Variants in MERTK observed in about 807,000 individuals in gnomAD.
MERTK encodes tyrosine-protein kinase Mer.
Under a neutral mutation model 99.3 loss-of-function variants are expected in MERTK, and 69 were observed. The ratio of observed to expected loss-of-function variants is 0.70; its 90% CI spans 0.57 to 0.85. The LOEUF is 0.85. MERTK is among the 40% of genes least tolerant of loss of function. The probability of loss-of-function intolerance (pLI) is 0.00; values close to 1 mark genes in which losing one functional copy is unlikely to be tolerated. For synonymous variants in MERTK, 426 were observed against 467.6 expected, an observed-to-expected ratio of 0.91 and a Z score of 1.15; for missense variants, 1,125 against 1,249.4, an observed-to-expected ratio of 0.90 and a Z score of 1.50.
chr2:111,976,302 T>G (rs115191337), intron 7 of MERTK, among the ~76,000 whole-genome samples: 393 of 152,294 alleles, frequency 2.6e-3, no homozygotes, highest in African/African-American at 9.1e-3. Context: ...TTCCTCCAGG[T>G]TATGGGTCAG....
At chr2:111,991,612 G>T (rs1676618041) in intron 8 of MERTK, among the ~76,000 whole-genome samples, 1 of 152,000 alleles carries the variant, frequency 6.6e-6, no homozygotes, top group East Asian at 1.9e-4. Context: ...ACAAAAAAAA[G>T]TCTATGGCAA....
At chr2:111,948,518 G>C (rs928008052) in intron 4 of MERTK, among the ~76,000 whole-genome samples, 6 of 152,154 alleles carry the variant, frequency 3.9e-5, no homozygotes, top group African/African-American at 1.4e-4. Context: ...ATTGCCACTT[G>C]CTGGGTACAT....
intron 8 of MERTK, among the ~76,000 whole-genome samples, chr2:111,989,258 A>T (rs1180844996): frequency 6.6e-6 from 1 of 152,088 alleles, no homozygotes. Context: ...CCTTTGAACG[A>T]GTCACCTTTG....
chr2:112,027,323 CACACATATGGCATATATAT>C, intron 18 of MERTK, among the ~76,000 whole-genome samples: 1 of 151,018 alleles, frequency 6.6e-6, no homozygotes, highest in Middle Eastern at 3.5e-3. Flanking sequence ...TATATATACA[CACACATATGGCATATATAT>C]ACACACATGC....
intron 3 of MERTK, among the ~76,000 whole-genome samples, chr2:111,946,923 A>G (rs1684970197): frequency 6.6e-6 from 1 of 152,162 alleles, no homozygotes; most frequent in South Asian, 2.1e-4. Flanking sequence ...TTCTTATCCA[A>G]CTTAAGGAGG....
chr2:111,951,970 T>C (rs1463851332), intron 4 of MERTK, among the ~76,000 whole-genome samples: 1 of 152,144 alleles, frequency 6.6e-6, no homozygotes, highest in African/African-American at 2.4e-5. Flanking sequence ...TTTCTGTATG[T>C]TTTCTCAAAA....
chr2:111,945,362 T>C (rs1325233481), intron 3 of MERTK, among the ~76,000 whole-genome samples: 1 of 152,250 alleles, frequency 6.6e-6, no homozygotes, highest in Non-Finnish European at 1.5e-5. Flanking sequence ...TGAAGACTTC[T>C]TTTTAAGAAG....
chr2:111,938,733 AT>A (rs535236341), intron 2 of MERTK, among the ~76,000 whole-genome samples: 1 of 151,690 alleles, frequency 6.6e-6, no homozygotes, highest in Admixed American at 6.6e-5. Flanking sequence ...TTTTTATACC[AT>A]TTTTTTTAAG....
At chr2:111,991,886 T>C (rs146110793) in intron 8 of MERTK, among the ~76,000 whole-genome samples, 1 of 152,190 alleles carries the variant, frequency 6.6e-6, no homozygotes, top group African/African-American at 2.4e-5. Flanking sequence ...CCTTTTGTCC[T>C]TGGTTTCTGA....
intron 18 of MERTK, among the ~76,000 whole-genome samples, chr2:112,024,225 A>G (rs957723090): frequency 6.6e-6 from 1 of 152,170 alleles, no homozygotes; most frequent in African/African-American, 2.4e-5. Context: ...TTGACTATGG[A>G]AAGAGTTTTG....
intron 1 of MERTK, among the ~76,000 whole-genome samples, chr2:111,915,998 G>A (rs1456156248): frequency 6.6e-6 from 1 of 152,184 alleles, no homozygotes; most frequent in Non-Finnish European, 1.5e-5. Context: ...AGAGAACATA[G>A]ACTATATGAT....
chr2:111,953,163 C>A (rs1316478039), intron 4 of MERTK, among the ~76,000 whole-genome samples: 1 of 152,126 alleles, frequency 6.6e-6, no homozygotes, highest in African/African-American at 2.4e-5. Flanking sequence ...CCATCAGGGG[C>A]CATCGGGTAC....
At chr2:111,934,654 G>T (rs1212555888) in intron 2 of MERTK, among the ~76,000 whole-genome samples, 1 of 151,892 alleles carries the variant, frequency 6.6e-6, no homozygotes, top group Non-Finnish European at 1.5e-5. Flanking sequence ...AAATTTTCTC[G>T]CATTCTGTAG....
At chr2:112,021,294 C>A in intron 16 of MERTK, 128 bp from the exon 17 acceptor site, 2 of 1,353,148 alleles carry the variant, frequency 1.5e-6, no homozygotes, top group Non-Finnish European at 2.1e-6. Flanking sequence ...GCAGCATGCT[C>A]ACAGGCTGGT....
intron 6 of MERTK, among the ~76,000 whole-genome samples, chr2:111,972,147 C>T (rs894257130): frequency 1.5e-4 from 23 of 152,210 alleles, no homozygotes; most frequent in Admixed American, 1.2e-3. Context: ...TCTCCTGCCT[C>T]AGCCTCCTGA....
At chr2:111,916,521 A>G (rs1163028354) in intron 1 of MERTK, among the ~76,000 whole-genome samples, 2 of 151,482 alleles carry the variant, frequency 1.3e-5, no homozygotes, top group African/African-American at 4.9e-5. Flanking sequence ...ATTTTTGGTT[A>G]TTGTATTTTT....
At chr2:112,016,683 C>T (rs1054449368) in intron 15 of MERTK, among the ~76,000 whole-genome samples, 4 of 152,058 alleles carry the variant, frequency 2.6e-5, no homozygotes, top group South Asian at 4.2e-4. Context: ...TCATGGAGAT[C>T]GATAGTACAA....
rs1399701091 is a variant in MERTK at position 112,028,544 on chromosome 2, G to T, written c.2680G>T (p.Asp894Tyr). 1.9e-6 allele frequency: 3 copies of T among 1,614,142 alleles called. No homozygotes were observed. The highest frequency in any genetic ancestry group is 1.1e-5 in the South Asian group (1 of 91,084). The change falls in exon 19 of 19, where the codon GAC becomes TAC. Residue 894 changes from aspartate (D) to tyrosine (Y), a missense_variant. By Grantham distance (160) the Asp-to-Tyr change is radical. Transcript: ENST00000295408. ...CCAGGGCTCCACCCTTGCTCCACTG[G>T]ACTTGAACATCGACCCTGACTCTAT... ...LAQGSTLAPL[D>Y]LNIDPDSIIA...
chr2:111,958,363 A>G (rs1446851120), intron 4 of MERTK, among the ~76,000 whole-genome samples: 9 of 152,164 alleles, frequency 5.9e-5, no homozygotes, highest in East Asian at 1.9e-4. Flanking sequence ...ACTCATTGCT[A>G]TGGTCAATCC....
Sources: allele counts gnomAD v4.1 joint callset (sites outside exome capture counted in the v4.1 genomes callset), GRCh38; gene constraint gnomAD v4.1.1; transcripts MANE v1.5; gene names NCBI Gene and HGNC (gene_info 2026-07-23, HGNC 2026-07-21).